Variants in CELSR1 observed in about 807,000 individuals in gnomAD.
CELSR1 encodes adhesion G protein-coupled receptor C1.
CELSR1 carries 110 observed loss-of-function variants against 249.1 expected under a neutral mutation model. The ratio of observed to expected loss-of-function variants is 0.44; its 90% confidence interval spans 0.38 to 0.52. The LOEUF (loss-of-function observed/expected upper bound fraction) is 0.52. Among genes scored for constraint, CELSR1 ranks in the 20% least tolerant of loss-of-function variants. The pLI is 0.00. For missense variants in CELSR1, 4,109 were observed against 4,296.4 expected, an observed-to-expected ratio of 0.96 and a Z score of 1.22; for synonymous variants, 2,113 against 1,900.0, an observed-to-expected ratio of 1.11 and a Z score of -2.92.
intron 29 of CELSR1, 97 bp downstream of exon 29, chr22:46,366,896 A>ACGGC: frequency 1.4e-6 from 2 of 1,463,202 alleles, no homozygotes. Context: ...TGAGGGGCAT[A>ACGGC]CGGGCCGCAG....
In CELSR1 at chr22:46,484,775, G is replaced by T. The variant is rs1036187473; in HGVS notation, c.3545-20430C>A. ...CTGCCTGAGGTCTCCAAACACTACC[G>T]AAGCCCACCTCCAGGAACAAGGATA... On this transcript the variant is annotated intron_variant, in intron 1 of 34. Transcript: ENST00000674500. This position sits in a 1 kb window ranked among gnomAD's most constrained non-coding sequence, Gnocchi z 4.5. Among the ~76,000 whole-genome samples, 1 of 144,320 alleles carries T rather than the reference G, an allele frequency of 6.9e-6. No individual in the cohort carries two copies. Among genetic ancestry groups the T allele is most frequent in the African/African-American group, 2.5e-5 (1 of 39,244 alleles). 94.7% of individuals were successfully genotyped at this position (144,320 alleles called of 152,430 possible). A position where few individuals can be genotyped will look rare whatever the true frequency, so the allele number is the denominator to read the frequency against.
At chr22:46,403,663 CAG>C (rs1555911164) in intron 9 of CELSR1, among the ~76,000 whole-genome samples, 4 of 152,088 alleles carry the variant, frequency 2.6e-5, no homozygotes, top group Admixed American at 2.6e-4. Context: ...GCAGAGCACA[CAG>C]GGGCATGTGT....
rs780379730 is a variant in CELSR1, at chr22:46,367,122, G to A, written c.8080-4C>T. 6.2e-7 allele frequency: 1 copy of A among 1,610,104 alleles called. No individual in the cohort carries two copies. Among genetic ancestry groups the A allele is most frequent in the Non-Finnish European group, 8.5e-7 (1 of 1,179,304 alleles). ...GGAAAAGGAGGACGAAGGGGCCCTG[G>A]AGGGAGGAAGGTGGGGTCAGCACCT... On this transcript the variant is annotated splice_polypyrimidine_tract_variant and splice_region_variant and intron_variant, in intron 28 of 34. Coordinates refer to ENST00000674500, the MANE Select transcript of CELSR1 (RefSeq NM_001378328.1).
rs1269371100 is a variant in CELSR1 at position 46,518,372 on chromosome 22, G to C, written c.3544+15255C>G. ...TCAGTCTCGTTAGAGGAGAACGAAG[G>C]GAGTGGGCTCCCACAGACCACATTG... On this transcript the variant is annotated intron_variant, in intron 1 of 34. Transcript: ENST00000674500. This position sits in a 1 kb window ranked among gnomAD's most constrained non-coding sequence, Gnocchi z 5.2. 6.6e-6 allele frequency among the ~76,000 whole-genome samples: 1 copy of C among 152,226 alleles called. No individual in the cohort carries two copies. The highest frequency in any genetic ancestry group is 1.5e-5 in the Non-Finnish European group (1 of 68,040).
In CELSR1 at chr22:46,373,835, C is replaced by T. The variant is rs112674756; in HGVS notation, c.7585-778G>A. On this transcript the variant is annotated intron_variant, in intron 24 of 34. Transcript: ENST00000674500. ...CCTCAGCAGCCATCCCATCAGTCCA[C>T]CCTACCAGGGGGTCCCAGGGAGATA... 5.5e-3 allele frequency among the ~76,000 whole-genome samples: 841 copies of T among 152,274 alleles called. 13 individuals carry two copies. Among genetic ancestry groups the T allele is most frequent in the African/African-American group, 0.019 (808 of 41,544 alleles).
At chr22:46,422,757 A>G (rs2079491531) in intron 5 of CELSR1, among the ~76,000 whole-genome samples, 1 of 131,024 alleles carries the variant, frequency 7.6e-6, no homozygotes, top group Non-Finnish European at 1.6e-5. Flanking sequence ...ACAGAGCGAG[A>G]CTCCATCTCA....
At chr22:46,522,835 G>GA (rs1194386162) in intron 1 of CELSR1, among the ~76,000 whole-genome samples, 1 of 152,218 alleles carries the variant, frequency 6.6e-6, no homozygotes, top group Non-Finnish European at 1.5e-5. Context: ...CAGGCAATCT[G>GA]AACGGGGCAG....
chr22:46,429,387 G>A lies in CELSR1; in HGVS notation c.4611+4006C>T, dbSNP rs1458740569. 7.9e-5 allele frequency among the ~76,000 whole-genome samples: 12 copies of A among 152,182 alleles called. No homozygotes were observed. The highest frequency in any genetic ancestry group is 1.6e-4 in the Non-Finnish European group (11 of 68,040). On this transcript the variant is annotated intron_variant, in intron 5 of 34. Coordinates refer to ENST00000674500, the MANE Select transcript of CELSR1 (RefSeq NM_001378328.1). The surrounding 1 kb of genome is among the most constrained non-coding windows in gnomAD (Gnocchi z 4.1). ...AAAAACCAGCCTGGGGTGAAGCAAC[G>A]ACTGAAAATGCTCCACTCGGCCCCA...
Position 46,410,322 on chromosome 22 carries a change from A to T in CELSR1, c.4933+76T>A. ...CACGGCTCCCCAGGGATCTGCAAGCAGTGACCTCTGTGTGGCTGCCGACGT... is the reference window on the plus strand; with the variant it reads ...CACGGCTCCCCAGGGATCTGCAAGCTGTGACCTCTGTGTGGCTGCCGACGT... On this transcript the variant is annotated intron_variant, in intron 7 of 34. Coordinates refer to ENST00000674500, the MANE Select transcript of CELSR1 (RefSeq NM_001378328.1). This position sits in a 1 kb window ranked among gnomAD's most constrained non-coding sequence, Gnocchi z 6.8. 7 of 1,552,178 alleles carry T rather than the reference A, an allele frequency of 4.5e-6. No homozygotes were observed. Among genetic ancestry groups the T allele is most frequent in the Non-Finnish European group, 6.2e-6 (7 of 1,131,660 alleles).
Position 46,409,209 on chromosome 22 carries a change from G to C in CELSR1, c.5060-47C>G, listed in dbSNP as rs776176969. On this transcript the variant is annotated intron_variant, in intron 8 of 34. Coordinates refer to ENST00000674500, the MANE Select transcript of CELSR1 (RefSeq NM_001378328.1). The surrounding 1 kb of genome is among the most constrained non-coding windows in gnomAD (Gnocchi z 9.8). ...CCTCAGGTGTCTCCCGAAATCACAC[G>C]GCCGCGGACTTGGCTGCAGGGGCGG... 48 of 1,595,588 alleles carry C rather than the reference G, an allele frequency of 3.0e-5. No homozygotes were observed. The highest frequency in any genetic ancestry group is 6.8e-5 in the African/African-American group (5 of 74,056).
At position 46,401,621 on chromosome 22, in the gene CELSR1, G is replaced by A. The variant is rs375811071; in HGVS notation, c.5227-1719C>T. Among the ~76,000 whole-genome samples, 5 of 152,186 alleles carry A rather than the reference G, an allele frequency of 3.3e-5. No homozygotes were observed. Among genetic ancestry groups the A allele is most frequent in the Admixed American group, 6.5e-5 (1 of 15,270 alleles). ...CAGGTGGTACGACGCTCCATCAGTC[G>A]CCTGTGACCTAGAGTCTCAAGATGC... is the stretch of plus-strand genomic sequence containing the variant. On this transcript the variant is annotated intron_variant, in intron 9 of 34. Coordinates refer to ENST00000674500, the MANE Select transcript of CELSR1 (RefSeq NM_001378328.1). This position sits in a 1 kb window ranked among gnomAD's most constrained non-coding sequence, Gnocchi z 4.7.
intron 1 of CELSR1, among the ~76,000 whole-genome samples, chr22:46,531,832 C>T (rs187144069): frequency 2.6e-5 from 4 of 152,246 alleles, no homozygotes; most frequent in South Asian, 2.1e-4. Flanking sequence ...CACTGTCATC[C>T]GGGTGTGTGT....
In CELSR1 at chr22:46,512,844, C is replaced by T. The variant is rs970621041; in HGVS notation, c.3544+20783G>A. 6.6e-6 allele frequency among the ~76,000 whole-genome samples: 1 copy of T among 152,214 alleles called. No homozygotes were observed. Among genetic ancestry groups the T allele is most frequent in the Non-Finnish European group, 1.5e-5 (1 of 68,034 alleles). On this transcript the variant is annotated intron_variant, in intron 1 of 34. Transcript: ENST00000674500. This position sits in a 1 kb window ranked among gnomAD's most constrained non-coding sequence, Gnocchi z 5.2. Reference sequence around the variant, plus strand: ...CCAGGGGCCCCCCACCCTCTTGTTCCTTCCGGGTCCGGGCTTGTCCCCCAC... The same window carrying T: ...CCAGGGGCCCCCCACCCTCTTGTTCTTTCCGGGTCCGGGCTTGTCCCCCAC...
At position 46,468,045 on chromosome 22, in the gene CELSR1, G is replaced by A. The variant is rs1041495419; in HGVS notation, c.3545-3700C>T. On this transcript the variant is annotated intron_variant, in intron 1 of 34. Coordinates refer to ENST00000674500, the MANE Select transcript of CELSR1 (RefSeq NM_001378328.1). This position sits in a 1 kb window ranked among gnomAD's most constrained non-coding sequence, Gnocchi z 4.5. ...GTTCATAGCAGCGCTATTCACAAGA[G>A]CTGAAACATGGAAGTGACCTGCGTC... Among the ~76,000 whole-genome samples the A allele has an allele frequency of 3.3e-5, 5 of 152,114 alleles. No homozygotes were observed. Among genetic ancestry groups the A allele is most frequent in the African/African-American group, 9.7e-5 (4 of 41,412 alleles).
intron 1 of CELSR1, among the ~76,000 whole-genome samples, chr22:46,514,497 A>G (rs558536742): frequency 6.6e-6 from 1 of 152,280 alleles, no homozygotes; most frequent in African/African-American, 2.4e-5. Context: ...AGTCAGAACC[A>G]GTCCTGGTGA....
rs1005158605 is a variant in CELSR1 at position 46,445,358 on chromosome 22, G to A, written c.4184-5947C>T. Among the ~76,000 whole-genome samples, 1 of 152,136 alleles carries A rather than the reference G, an allele frequency of 6.6e-6. No individual in the cohort carries two copies. Among genetic ancestry groups the A allele is most frequent in the African/African-American group, 2.4e-5 (1 of 41,406 alleles). Reference sequence around the variant, plus strand: ...AAAATATAAAAATTAGCCGGGTATGGTGGCGCATGCCTGTAGTCCCAGCTA... The same window carrying A: ...AAAATATAAAAATTAGCCGGGTATGATGGCGCATGCCTGTAGTCCCAGCTA... On this transcript the variant is annotated intron_variant, in intron 2 of 34. Transcript: ENST00000674500. The surrounding 1 kb of genome is among the most constrained non-coding windows in gnomAD (Gnocchi z 4.4).
At chr22:46,529,321 G>A (rs2080769595) in intron 1 of CELSR1, among the ~76,000 whole-genome samples, 1 of 152,020 alleles carries the variant, frequency 6.6e-6, no homozygotes, top group South Asian at 2.1e-4. Flanking sequence ...GGAACTGGAG[G>A]TCATTATGTT....
Position 46,444,319 on chromosome 22 carries a change from G to A in CELSR1, c.4184-4908C>T, listed in dbSNP as rs557275819. Among the ~76,000 whole-genome samples, 6 of 152,328 alleles carry A rather than the reference G, an allele frequency of 3.9e-5. No homozygotes were observed. The East Asian group carries it at 5.8e-4, about 15-fold the overall frequency. On this transcript the variant is annotated intron_variant, in intron 2 of 34. Transcript: ENST00000674500. The stretch of plus-strand genomic sequence containing the variant: ...AGGTTTGAATTTGAACTTGCAGACC[G>A]GCATTCCTGCTTCCAAATTTGATTT...
At chr22:46,444,002 GCAAA>G (rs1480073139) in intron 2 of CELSR1, among the ~76,000 whole-genome samples, 2 of 152,224 alleles carry the variant, frequency 1.3e-5, no homozygotes, top group Non-Finnish European at 2.9e-5. Context: ...AACCTCGACG[GCAAA>G]CAAAGGGCCT....
Sources: allele counts gnomAD v4.1 joint callset (sites outside exome capture counted in the v4.1 genomes callset), GRCh38; gene constraint gnomAD v4.1.1; non-coding constraint Gnocchi (gnomAD v3.1); transcripts MANE v1.5; gene names NCBI Gene and HGNC (gene_info 2026-07-23, HGNC 2026-07-21).